The following ALK variants were observed in gnomAD, a reference collection of about 807,000 sequenced individuals.
The protein encoded by ALK is ALK receptor tyrosine kinase.
Under a neutral mutation model 163.1 loss-of-function variants are expected in ALK, and 74 were observed. That is an observed-to-expected ratio of 0.45 (90% CI 0.38 to 0.55). The LOEUF (loss-of-function observed/expected upper bound fraction) is 0.55. Ranked by LOEUF, ALK falls within the 20% of genes least tolerant of loss-of-function variation. ALK has a pLI of 0.00. For missense variants in ALK, 2,063 were observed against 2,105.3 expected, an observed-to-expected ratio of 0.98 and a Z score of 0.39; for synonymous variants, 960 against 843.2, an observed-to-expected ratio of 1.14 and a Z score of -2.40.
intron 26 of ALK, among the ~76,000 whole-genome samples, chr2:29,199,038 C>T (rs1669094386): frequency 6.6e-6 from 1 of 151,852 alleles, no homozygotes; most frequent in Non-Finnish European, 1.5e-5. Context: ...ACTGCAACCT[C>T]CACCTTCCAG....
chr2:29,366,455 C>T (rs1171977876), intron 5 of ALK, among the ~76,000 whole-genome samples: 1 of 151,890 alleles, frequency 6.6e-6, no homozygotes, highest in African/African-American at 2.4e-5. Flanking sequence ...CCCAGAGAAG[C>T]ATAGGAGAGC....
At chr2:29,600,371 A>G (rs1675349017) in intron 3 of ALK, among the ~76,000 whole-genome samples, 1 of 152,214 alleles carries the variant, frequency 6.6e-6, no homozygotes, top group Non-Finnish European at 1.5e-5. Flanking sequence ...ACGTAATAAC[A>G]TCCATGGAAA....
chr2:29,382,815 C>G (rs1038158931), intron 5 of ALK, among the ~76,000 whole-genome samples: 3 of 152,168 alleles, frequency 2.0e-5, no homozygotes, highest in African/African-American at 7.2e-5. Context: ...GGTGATTTTT[C>G]TTTTCCCCAC....
In ALK at chr2:29,239,685, G is replaced by T. The variant is rs1177791435; in HGVS notation, c.2350C>A (p.Pro784Thr). Residue 784 changes from proline to threonine, a missense_variant, in exon 13 of 29, where the codon CCC becomes ACC. By Grantham distance (38) the Pro-to-Thr change is conservative (BLOSUM62 -1). Transcript: ENST00000389048. ...CCCCTGCTCTGGGCACTTACACTGG[G>T]GCAGGCGTCCTCTCCCTGCTGCCCA... ...LVGQQGEDAC[P>T]STNQLIQKVC... 6.2e-7 allele frequency: 1 copy of T among 1,613,806 alleles called. No individual in the cohort carries two copies. The highest frequency in any genetic ancestry group is 1.3e-5 in the African/African-American group (1 of 75,040).
chr2:29,209,733 A>T (rs2148154819), intron 25 of ALK, 53 bp downstream of exon 25: 8 of 1,350,336 alleles, frequency 5.9e-6, no homozygotes, highest in Non-Finnish European at 5.3e-6. Context: ...CCCATTCTTG[A>T]GGGGCTGAGG....
At chr2:29,812,648 G>A (rs748923608) in intron 1 of ALK, among the ~76,000 whole-genome samples, 2 of 152,154 alleles carry the variant, frequency 1.3e-5, no homozygotes, top group Non-Finnish European at 2.9e-5. Flanking sequence ...AACCAAGGTG[G>A]TGCCTGGCTC....
chr2:29,249,799 G>A (rs923330641), intron 12 of ALK, among the ~76,000 whole-genome samples: 14 of 152,186 alleles, frequency 9.2e-5, no homozygotes, highest in Admixed American at 1.3e-4. Flanking sequence ...GGGAGGTCTG[G>A]CTTGCTTGGT....
intron 4 of ALK, among the ~76,000 whole-genome samples, chr2:29,522,311 A>G (rs1452046870): frequency 1.3e-5 from 2 of 152,182 alleles, no homozygotes; most frequent in Admixed American, 1.3e-4. Flanking sequence ...TGGTACACAT[A>G]ATATTAGATG....
At chr2:29,412,996 A>G (rs928300024) in intron 4 of ALK, among the ~76,000 whole-genome samples, 10 of 152,236 alleles carry the variant, frequency 6.6e-5, no homozygotes, top group Non-Finnish European at 1.0e-4. Context: ...GATCGTAGCT[A>G]TGGTGGCATG....
At chr2:29,672,347 C>T (rs1156381291) in intron 3 of ALK, among the ~76,000 whole-genome samples, 2 of 147,390 alleles carry the variant, frequency 1.4e-5, no homozygotes, top group African/African-American at 5.0e-5. Context: ...CCACAACAGT[C>T]CCCAGAGTGT....
At chr2:29,358,329 T>C (rs972513837) in intron 5 of ALK, among the ~76,000 whole-genome samples, 1 of 152,218 alleles carries the variant, frequency 6.6e-6, no homozygotes, top group African/African-American at 2.4e-5. Context: ...GGTGATCAAA[T>C]TGTGTAATTT....
chr2:29,829,859 G>C (rs747909785), intron 1 of ALK, among the ~76,000 whole-genome samples: 49 of 152,324 alleles, frequency 3.2e-4, no homozygotes, highest in Non-Finnish European at 2.6e-4. Flanking sequence ...ACTGGACTTT[G>C]ATTTCTCTTT....
intron 2 of ALK, among the ~76,000 whole-genome samples, chr2:29,710,973 G>A (rs866036977): frequency 3.9e-5 from 6 of 152,084 alleles, no homozygotes; most frequent in South Asian, 4.2e-4. Flanking sequence ...CCTCCCTCTA[G>A]ATGTCTTGGT....
At chr2:29,204,184 T>G in intron 26 of ALK, among the ~76,000 whole-genome samples, 1 of 152,224 alleles carries the variant, frequency 6.6e-6, no homozygotes, top group East Asian at 1.9e-4. Context: ...TGATCCCTGC[T>G]ACTGTTAGCA....
At chr2:29,589,039 A>G (rs1674971705) in intron 3 of ALK, among the ~76,000 whole-genome samples, 1 of 152,164 alleles carries the variant, frequency 6.6e-6, no homozygotes, top group Non-Finnish European at 1.5e-5. Flanking sequence ...TATAGCCTGA[A>G]CACACACATG....
At chr2:29,323,945 C>A (rs558658488) in intron 6 of ALK, among the ~76,000 whole-genome samples, 3 of 152,326 alleles carry the variant, frequency 2.0e-5, no homozygotes, top group African/African-American at 7.2e-5. Context: ...GGTCCAGGGA[C>A]CAGCTGTAGC....
chr2:29,193,174 C>T lies in ALK; in HGVS notation c.*50G>A, dbSNP rs2148136730. The T allele has an allele frequency of 1.3e-6, 2 of 1,586,068 alleles. No homozygotes were observed. The highest frequency in any genetic ancestry group is 1.7e-6 in the Non-Finnish European group (2 of 1,157,756). On this transcript the variant is annotated 3_prime_UTR_variant, in exon 29 of 29. Coordinates refer to ENST00000389048, the MANE Select transcript of ALK (RefSeq NM_004304.5). ...GTGAAGGAGCCATTGCCTCTCTCTCCTCCACGGTCTTAGGGATCCCAAGGA... is the reference window on the plus strand; with the variant it reads ...GTGAAGGAGCCATTGCCTCTCTCTCTTCCACGGTCTTAGGGATCCCAAGGA...
At chr2:29,695,654 A>C (rs1257618515) in intron 2 of ALK, among the ~76,000 whole-genome samples, 5 of 152,210 alleles carry the variant, frequency 3.3e-5, no homozygotes, top group African/African-American at 1.2e-4. Flanking sequence ...AAAGAGCTTA[A>C]ACAAATTTAC....
intron 3 of ALK, among the ~76,000 whole-genome samples, chr2:29,688,152 G>T (rs1678291985): frequency 6.6e-6 from 1 of 152,148 alleles, no homozygotes; most frequent in South Asian, 2.1e-4. Context: ...AACTTAAGAG[G>T]GAACACAGGG....
Sources: allele counts gnomAD v4.1 joint callset (sites outside exome capture counted in the v4.1 genomes callset), GRCh38; gene constraint gnomAD v4.1.1; transcripts MANE v1.5; gene names NCBI Gene and HGNC (gene_info 2026-07-23, HGNC 2026-07-21).